Variants in ABLIM1 observed in about 807,000 individuals in gnomAD.
The protein encoded by ABLIM1 is actin-binding LIM protein 1.
In ABLIM1, 40 loss-of-function variants were observed where a neutral mutation model predicts 107.0. The observed-to-expected ratio is 0.37, with a 90% CI of 0.29 to 0.49. The LOEUF is 0.49. Among genes scored for constraint, ABLIM1 ranks in the 20% least tolerant of loss-of-function variants. The pLI is 0.97. For synonymous variants in ABLIM1, 357 were observed against 357.3 expected, an observed-to-expected ratio of 1.00 and a Z score of 0.01; for missense variants, 857 against 1,008.5, an observed-to-expected ratio of 0.85 and a Z score of 2.04.
intron 4 of ABLIM1, among the ~76,000 whole-genome samples, chr10:114,558,902 A>AGTTGTGTGT: frequency 6.7e-6 from 1 of 148,708 alleles, no homozygotes; most frequent in East Asian, 2.0e-4. Context: ...AGGGAGAACT[A>AGTTGTGTGT]GTGTGTGTGT....
intron 14 of ABLIM1, chr10:114,450,030 G>T: frequency 3.6e-6 from 1 of 279,520 alleles, no homozygotes; most frequent in Non-Finnish European, 7.5e-6. Flanking sequence ...TTTTTGTTCA[G>T]AGAGGAGGAC....
intron 10 of ABLIM1, among the ~76,000 whole-genome samples, chr10:114,468,969 G>A (rs564073204): frequency 1.1e-4 from 16 of 150,350 alleles, no homozygotes; most frequent in Middle Eastern, 3.4e-3. Flanking sequence ...GGAGAATGGC[G>A]TGAACCCGGA....
At chr10:114,594,065 A>G (rs539783828) in intron 2 of ABLIM1, among the ~76,000 whole-genome samples, 2 of 152,322 alleles carry the variant, frequency 1.3e-5, no homozygotes, top group South Asian at 2.1e-4. Flanking sequence ...TTTGTGAATG[A>G]CTAAGATTCT....
chr10:114,560,553 A>G lies in ABLIM1; in HGVS notation c.673+10744T>C, dbSNP rs147026128. On this transcript the variant is annotated intron_variant, in intron 4 of 22. Transcript: ENST00000533213. ...ACAGTATTCAGTATAGTCACATGCT[A>G]TACAGGTTTGTAGCCTAGGAGTAAT... Among the ~76,000 whole-genome samples the G allele has an allele frequency of 4.2e-3, 635 of 152,356 alleles. 3 individuals are homozygous for G. Among genetic ancestry groups the G allele is most frequent in the African/African-American group, 0.015 (603 of 41,586 alleles).
intron 6 of ABLIM1, among the ~76,000 whole-genome samples, chr10:114,514,277 T>G (rs2062434305): frequency 6.8e-6 from 1 of 147,376 alleles, no homozygotes; most frequent in African/African-American, 2.5e-5. Flanking sequence ...TCCAGCTGGG[T>G]GACAGAGCGA....
At chr10:114,769,435 GAA>G (rs769947342), upstream of ABLIM1, among the ~76,000 whole-genome samples, 2 of 26,228 alleles carry the variant, frequency 7.6e-5, no homozygotes, top group African/African-American at 1.3e-4. Flanking sequence ...AAGAAAGAAA[GAA>G]AGAAAGAAAG....
intron 1 of ABLIM1, among the ~76,000 whole-genome samples, chr10:114,622,624 AT>A: frequency 6.6e-6 from 1 of 152,286 alleles, no homozygotes; most frequent in Non-Finnish European, 1.5e-5. Flanking sequence ...AGAAGAAAAA[AT>A]ACAGACTACT....
chr10:114,440,065 G>C lies in ABLIM1; in HGVS notation c.2067+17C>G. On this transcript the variant is annotated intron_variant, in intron 20 of 22. Coordinates refer to ENST00000533213, the MANE Select transcript of ABLIM1 (RefSeq NM_002313.7). The stretch of plus-strand genomic sequence containing the variant: ...CTATCGGTGTGGCCAATTCAAGAAA[G>C]ACAAAGTGTTCCATACCTGGTAATC... 7 of 1,613,800 alleles carry C rather than the reference G, an allele frequency of 4.3e-6. No individual in the cohort carries two copies. The highest frequency in any genetic ancestry group is 5.1e-6 in the Non-Finnish European group (6 of 1,179,994).
rs1361386457 is a variant in ABLIM1, at chr10:114,619,034, G to C, written c.245-17073C>G. Among the ~76,000 whole-genome samples, 1 of 152,046 alleles carries C rather than the reference G, an allele frequency of 6.6e-6. No individual in the cohort carries two copies. The highest frequency in any genetic ancestry group is 2.4e-5 in the African/African-American group (1 of 41,410). Reference sequence around the variant, plus strand: ...GCAAGGGTGCTTTCAAGTCAAGATAGGGGTGATGACAGACATGCCCTGCAC... The same window carrying C: ...GCAAGGGTGCTTTCAAGTCAAGATACGGGTGATGACAGACATGCCCTGCAC... On this transcript the variant is annotated intron_variant, in intron 1 of 22. Transcript: ENST00000533213. This position sits in a 1 kb window ranked among gnomAD's most constrained non-coding sequence, Gnocchi z 4.1.
chr10:114,725,151 T>C (rs980971491), intron 1 of ABLIM1, among the ~76,000 whole-genome samples: 3 of 152,204 alleles, frequency 2.0e-5, no homozygotes, highest in African/African-American at 7.2e-5. Context: ...AATTTTAAAA[T>C]TGATCAATAT....
intron 1 of ABLIM1, among the ~76,000 whole-genome samples, chr10:114,705,545 C>T (rs1236339672): frequency 5.3e-5 from 8 of 152,116 alleles, no homozygotes; most frequent in African/African-American, 1.2e-4. Context: ...ATGAAGGAAA[C>T]GGGAAATGGA....
intron 2 of ABLIM1, among the ~76,000 whole-genome samples, chr10:114,596,101 T>G (rs1451732554): frequency 6.6e-6 from 1 of 152,184 alleles, no homozygotes; most frequent in African/African-American, 2.4e-5. Flanking sequence ...CTCCTCCCAT[T>G]CAGTCAGTCA....
chr10:114,471,222 C>T (rs2066479836), intron 10 of ABLIM1, among the ~76,000 whole-genome samples: 1 of 152,204 alleles, frequency 6.6e-6, no homozygotes, highest in South Asian at 2.1e-4. Context: ...CAGAGATTTT[C>T]ACCTCAAAGC....
At chr10:114,657,888 G>T in intron 1 of ABLIM1, 69 bp downstream of exon 1, 3 of 1,289,058 alleles carry the variant, frequency 2.3e-6, no homozygotes, top group East Asian at 4.7e-5. Flanking sequence ...GAATGATCTG[G>T]ATAGTACTCT....
chr10:114,639,908 G>T (rs1591698674), intron 1 of ABLIM1, among the ~76,000 whole-genome samples: 1 of 152,154 alleles, frequency 6.6e-6, no homozygotes, highest in East Asian at 1.9e-4. Context: ...CAATGTGTAG[G>T]AATTCAGGGA....
intron 3 of ABLIM1, among the ~76,000 whole-genome samples, chr10:114,573,174 C>A (rs1336977450): frequency 6.6e-6 from 1 of 152,152 alleles, no homozygotes; most frequent in Non-Finnish European, 1.5e-5. Flanking sequence ...CTTTTATTTG[C>A]ATGAATGTTT....
chr10:114,463,975 G>A (rs1432699176), intron 12 of ABLIM1, among the ~76,000 whole-genome samples: 2 of 152,090 alleles, frequency 1.3e-5, no homozygotes, highest in African/African-American at 4.8e-5. Flanking sequence ...AAAGTCTATT[G>A]GCATCAGAAC....
intron 6 of ABLIM1, among the ~76,000 whole-genome samples, chr10:114,497,893 T>A (rs535169095): frequency 1.3e-5 from 2 of 152,328 alleles, no homozygotes; most frequent in South Asian, 4.1e-4. Context: ...AAATCAGACA[T>A]CTGTAGTTAT....
intron 6 of ABLIM1, among the ~76,000 whole-genome samples, chr10:114,528,390 T>C (rs1249642336): frequency 1.3e-5 from 2 of 152,250 alleles, no homozygotes; most frequent in African/African-American, 4.8e-5. Context: ...CTCTCTAAGC[T>C]GGTTTGGAAG....
Sources: gnomAD v4.1 joint callset for allele counts (sites outside exome capture counted in the v4.1 genomes callset) on GRCh38, gnomAD v4.1.1 for gene constraint, Gnocchi (gnomAD v3.1) non-coding constraint, MANE v1.5 for transcripts, NCBI Gene and HGNC (gene_info 2026-07-23, HGNC 2026-07-21) for gene names.